The following DGKI variants were observed in gnomAD, a reference collection of about 807,000 sequenced individuals.
DGKI encodes the protein DAG kinase iota.
In DGKI, 55 loss-of-function variants were observed where a neutral mutation model predicts 147.5. That is an observed-to-expected ratio of 0.37 (90% CI 0.30 to 0.47). The LOEUF (loss-of-function observed/expected upper bound fraction) is 0.47, where lower values mean the gene tolerates loss of function less well. DGKI is among the 20% of genes least tolerant of loss of function. DGKI has a pLI of 1.00. For synonymous variants in DGKI, 469 were observed against 477.1 expected (o/e 0.98, Z 0.22); for missense variants, 1,007 against 1,323.8 (o/e 0.76, Z 3.71).
At chr7:137,776,466 G>A (rs1054622994) in intron 1 of DGKI, among the ~76,000 whole-genome samples, 1 of 152,122 alleles carries the variant, frequency 6.6e-6, no homozygotes, top group African/African-American at 2.4e-5. Context: ...ACCATGCAGT[G>A]GTTAAACATT....
At chr7:137,402,139 G>C (rs1811782788) in intron 30 of DGKI, among the ~76,000 whole-genome samples, 1 of 152,230 alleles carries the variant, frequency 6.6e-6, no homozygotes, top group Non-Finnish European at 1.5e-5. Context: ...TTAGAACAAA[G>C]AGGTTAGCAG....
chr7:137,831,644 G>T (rs914972896), intron 1 of DGKI, among the ~76,000 whole-genome samples: 82 of 152,226 alleles, frequency 5.4e-4, no homozygotes, highest in African/African-American at 1.9e-3. Context: ...ACCTGGGTGG[G>T]GACACAGAGC....
intron 28 of DGKI, among the ~76,000 whole-genome samples, chr7:137,432,047 A>C (rs147335068): frequency 6.6e-6 from 1 of 152,264 alleles, no homozygotes; most frequent in African/African-American, 2.4e-5. Flanking sequence ...GTTGTTTAAA[A>C]GTATGTGGGG....
chr7:137,514,589 T>C (rs1402900687), intron 21 of DGKI, among the ~76,000 whole-genome samples: 1 of 152,214 alleles, frequency 6.6e-6, no homozygotes, highest in Non-Finnish European at 1.5e-5. Context: ...TGCTCCTTCT[T>C]GGTCTCCTTT....
chr7:137,540,758 C>A (rs370442786), intron 20 of DGKI, among the ~76,000 whole-genome samples: 10,856 of 24,734 alleles, frequency 0.44, 3,600 homozygotes, highest in Non-Finnish European at 0.52. Flanking sequence ...TTTAAAAACC[C>A]CCCCAAAAAA....
intron 1 of DGKI, among the ~76,000 whole-genome samples, chr7:137,816,708 A>C (rs942017838): frequency 6.6e-6 from 1 of 152,222 alleles, no homozygotes; most frequent in Admixed American, 6.5e-5. Flanking sequence ...GACAAAAAAC[A>C]TTGTTTTGTA....
At chr7:137,711,023 C>T (rs1264365734) in intron 1 of DGKI, among the ~76,000 whole-genome samples, 10 of 152,108 alleles carry the variant, frequency 6.6e-5, no homozygotes, top group Non-Finnish European at 1.2e-4. Context: ...AATTCATCCC[C>T]GTCCTCCTCC....
At chr7:137,590,849 C>T (rs1050952067) in intron 12 of DGKI, among the ~76,000 whole-genome samples, 1 of 152,190 alleles carries the variant, frequency 6.6e-6, no homozygotes, top group Non-Finnish European at 1.5e-5. Context: ...CAAGTCACCA[C>T]ACCAGGCTAA....
In DGKI at chr7:137,744,380, C is replaced by G. The variant is rs190247468; in HGVS notation, c.402-54378G>C. On this transcript the variant is annotated intron_variant, in intron 1 of 32. Coordinates refer to ENST00000614521, the MANE Select transcript of DGKI (RefSeq NM_001321708.2). ...AACAGACCAATAACATGTAAAGAAA[C>G]TGAATCAGTAATTAAAAAAATATAG... 2.0e-5 allele frequency among the ~76,000 whole-genome samples: 3 copies of G among 152,090 alleles called. 1 individual carries two copies. The highest frequency in any genetic ancestry group is 2.0e-4 in the Admixed American group (3 of 15,270).
chr7:137,794,845 T>C (rs897949696), intron 1 of DGKI, among the ~76,000 whole-genome samples: 7 of 152,246 alleles, frequency 4.6e-5, no homozygotes, highest in African/African-American at 1.7e-4. Context: ...TGGTGGTTAT[T>C]GTTCACAGAA....
chr7:137,434,211 T>G (rs1813193948), intron 28 of DGKI, among the ~76,000 whole-genome samples: 1 of 152,180 alleles, frequency 6.6e-6, no homozygotes, highest in African/African-American at 2.4e-5. Flanking sequence ...TTTTACAATG[T>G]GTTAATATTT....
At chr7:137,405,898 C>A (rs559547772) in intron 30 of DGKI, among the ~76,000 whole-genome samples, 30 of 152,136 alleles carry the variant, frequency 2.0e-4, no homozygotes, top group Non-Finnish European at 3.7e-4. Flanking sequence ...CTGACTGCAG[C>A]CTCCTAAATG....
chr7:137,508,321 C>T (rs1423241034), intron 21 of DGKI, among the ~76,000 whole-genome samples: 1 of 150,402 alleles, frequency 6.6e-6, no homozygotes, highest in Non-Finnish European at 1.5e-5. Context: ...TCTGCCTTCC[C>T]GGTTACTCCT....
At chr7:137,700,626 C>G (rs1823945125) in intron 1 of DGKI, among the ~76,000 whole-genome samples, 1 of 152,098 alleles carries the variant, frequency 6.6e-6, no homozygotes, top group African/African-American at 2.4e-5. Context: ...GCCTGTAATC[C>G]CAGCACTTTG....
At chr7:137,462,957 C>T (rs77321124) in intron 27 of DGKI, among the ~76,000 whole-genome samples, 6,327 of 152,220 alleles carry the variant, frequency 0.042, 145 homozygotes, top group Middle Eastern at 0.11. Context: ...GATCTACAAA[C>T]AAATGCTGTA....
chr7:137,447,194 T>G (rs925664190), intron 27 of DGKI, among the ~76,000 whole-genome samples: 6 of 152,238 alleles, frequency 3.9e-5, no homozygotes, highest in Admixed American at 6.5e-5. Context: ...ATATTTCTCC[T>G]ACTAAGCCTA....
chr7:137,818,102 A>G (rs1797791107), intron 1 of DGKI, among the ~76,000 whole-genome samples: 1 of 152,224 alleles, frequency 6.6e-6, no homozygotes. Context: ...ATATTTTGAG[A>G]AGATGGCAGG....
At chr7:137,487,794 G>A in intron 21 of DGKI, 105 bp from the exon 22 acceptor site, 2 of 1,006,038 alleles carry the variant, frequency 2.0e-6, no homozygotes, top group South Asian at 1.5e-5. Context: ...AAATATTATG[G>A]GTTTTTTAGA....
intron 27 of DGKI, among the ~76,000 whole-genome samples, chr7:137,459,964 C>T (rs1814367954): frequency 6.6e-6 from 1 of 152,102 alleles, no homozygotes; most frequent in African/African-American, 2.4e-5. Context: ...GCAGTCCTAA[C>T]GTACTATGAA....
Sources: allele counts gnomAD v4.1 joint callset (sites outside exome capture counted in the v4.1 genomes callset), GRCh38; gene constraint gnomAD v4.1.1; transcripts MANE v1.5; gene names NCBI Gene and HGNC (gene_info 2026-07-23, HGNC 2026-07-21).